ABL1: variants seen among roughly 807,000 people sequenced by gnomAD.
ABL1 encodes the protein ABL proto-oncogene 1, non-receptor tyrosine kinase.
A neutral mutation model predicts 94.7 loss-of-function variants in ABL1; 11 were observed. The ratio of observed to expected loss-of-function variants is 0.12; its 90% confidence interval spans 0.07 to 0.19. The LOEUF is 0.19. Among genes scored for constraint, ABL1 ranks in the 10% least tolerant of loss-of-function variants. The probability of loss-of-function intolerance (pLI) is 1.00; values close to 1 mark genes in which losing one functional copy is unlikely to be tolerated. For missense variants in ABL1, 1,082 were observed against 1,489.4 expected, an observed-to-expected ratio of 0.73 and a Z score of 4.50; for synonymous variants, 656 against 622.4, an observed-to-expected ratio of 1.05 and a Z score of -0.80.
chr9:130,795,768 C>A (rs766440943), intron 1 of ABL1, among the ~76,000 whole-genome samples: 2 of 152,026 alleles, frequency 1.3e-5, no homozygotes, highest in Non-Finnish European at 2.9e-5. Context: ...GGTATGATAC[C>A]ACAATATTTA....
chr9:130,883,891 C>T, intron 10 of ABL1, 78 bp from the exon 11 acceptor site: 1 of 1,504,988 alleles, frequency 6.6e-7, no homozygotes. Context: ...TGGCACTCTG[C>T]CTCCCGGGTT....
Position 130,885,019 on chromosome 9 carries a change from C to T in ABL1, c.2729C>T (p.Ala910Val), listed in dbSNP as rs766233109. Residue 910 changes from alanine to valine, a missense_variant, in exon 11 of 11, where the codon GCT (alanine) becomes GTT (valine). Ala to Val is a moderately conservative substitution (Grantham distance 64). Coordinates refer to ENST00000318560, the MANE Select transcript of ABL1 (RefSeq NM_005157.6). ...PPPPAASAGKAGGKPSQSPSQ... is the reference protein window; with the variant it reads ...PPPPAASAGKVGGKPSQSPSQ... ...CCACCAGCAGCCTCTGCAGGGAAGGCTGGAGGAAAGCCCTCGCAGAGCCCG... is the reference window on the plus strand; with the variant it reads ...CCACCAGCAGCCTCTGCAGGGAAGGTTGGAGGAAAGCCCTCGCAGAGCCCG... The T allele has an allele frequency of 6.2e-7, 1 of 1,611,614 alleles. No homozygotes were observed. The highest frequency in any genetic ancestry group is 1.7e-5 in the Admixed American group (1 of 59,858).
intron 1 of ABL1, among the ~76,000 whole-genome samples, chr9:130,729,902 T>C (rs1472626912): frequency 1.5e-5 from 1 of 66,776 alleles, no homozygotes. Flanking sequence ...CACCAGGCTA[T>C]TTTTTTTTTT....
At chr9:130,722,435 A>G (rs1051267703) in intron 1 of ABL1, among the ~76,000 whole-genome samples, 3 of 152,152 alleles carry the variant, frequency 2.0e-5, no homozygotes, top group African/African-American at 7.2e-5. Flanking sequence ...ATATCCATCT[A>G]CTTAATGCTA....
At chr9:130,753,551 G>A (rs111632105) in intron 1 of ABL1, among the ~76,000 whole-genome samples, 9 of 146,478 alleles carry the variant, frequency 6.1e-5, no homozygotes, top group African/African-American at 2.0e-4. Flanking sequence ...TCAGCCTCCC[G>A]AGTAGCTGGG....
chr9:130,817,241 A>C (rs1168531274), intron 1 of ABL1, among the ~76,000 whole-genome samples: 3 of 152,262 alleles, frequency 2.0e-5, no homozygotes, highest in Non-Finnish European at 4.4e-5. Context: ...AGAAAAATTT[A>C]TTCAAAGACC....
At chr9:130,755,679 C>G (rs1016837748) in intron 1 of ABL1, among the ~76,000 whole-genome samples, 1 of 152,128 alleles carries the variant, frequency 6.6e-6, no homozygotes, top group East Asian at 1.9e-4. Context: ...TGACCAATTC[C>G]CCTCTGTTTT....
At position 130,877,727 on chromosome 9, in the gene ABL1, G is replaced by A. The variant is rs180901674; in HGVS notation, c.1271-688G>A. On this transcript the variant is annotated intron_variant, in intron 7 of 10. Coordinates refer to ENST00000318560, the MANE Select transcript of ABL1 (RefSeq NM_005157.6). ...GCAATATCAGCTCACTACAACCTCC[G>A]TCTCCTGGGTTCAAGCAATTCTCCT... Among the ~76,000 whole-genome samples, 16 of 145,612 alleles carry A rather than the reference G, an allele frequency of 1.1e-4. 1 individual carries two copies. The highest frequency in any genetic ancestry group is 6.8e-4 in the Admixed American group (10 of 14,700).
chr9:130,885,365 C>T lies in ABL1; in HGVS notation c.3075C>T (p.Gly1025=), dbSNP rs751957337. Residue 1025 remains glycine (G), a synonymous_variant, in exon 11 of 11, where the codon GGC becomes GGT. Transcript: ENST00000318560. ...TRQPPERIAS[G]AITKGVVLDS... ...AGCCTCCAGAGCGGATCGCCAGCGG[C>T]GCCATCACCAAGGGCGTGGTCCTGG... 44 of 1,613,552 alleles carry T rather than the reference C, an allele frequency of 2.7e-5. No homozygotes were observed. In the East Asian group the frequency reaches 6.0e-4, roughly 22 times the overall value.
At chr9:130,713,173 T>C (rs532118247) in exon 1 of ABL1, among the ~76,000 whole-genome samples, 5 of 151,742 alleles carry the variant, frequency 3.3e-5, no homozygotes, top group African/African-American at 9.7e-5. Context: ...GGCGGCTGGG[T>C]CCCTCGGCGG....
intron 1 of ABL1, among the ~76,000 whole-genome samples, chr9:130,777,244 G>A (rs1829676724): frequency 6.6e-6 from 1 of 152,212 alleles, no homozygotes; most frequent in African/African-American, 2.4e-5. Flanking sequence ...GGTAATCCTG[G>A]TTGTCCATTC....
At chr9:130,727,856 C>T (rs1319488959) in intron 1 of ABL1, among the ~76,000 whole-genome samples, 2 of 150,902 alleles carry the variant, frequency 1.3e-5, no homozygotes, top group African/African-American at 2.5e-5. Context: ...AAAGTAATCC[C>T]ACAGTACACA....
At chr9:130,791,286 T>A (rs1462988682) in intron 1 of ABL1, among the ~76,000 whole-genome samples, 1 of 152,162 alleles carries the variant, frequency 6.6e-6, no homozygotes, top group Non-Finnish European at 1.5e-5. Context: ...TGATCTAGAA[T>A]TGTGTAGCCA....
chr9:130,741,469 A>G (rs1019953837), intron 1 of ABL1, among the ~76,000 whole-genome samples: 2 of 144,580 alleles, frequency 1.4e-5, no homozygotes, highest in African/African-American at 2.6e-5. Flanking sequence ...CAGAGTAACA[A>G]TTATAGCACT....
chr9:130,766,607 C>A (rs1445355532), intron 1 of ABL1, among the ~76,000 whole-genome samples: 1 of 152,134 alleles, frequency 6.6e-6, no homozygotes, highest in East Asian at 1.9e-4. Context: ...AAGGCCACAG[C>A]CTGTGACCCC....
In ABL1 at chr9:130,783,514, A is replaced by T. The variant is rs1829784076; in HGVS notation, c.136+69059A>T. Among the ~76,000 whole-genome samples, 4 of 152,236 alleles carry T rather than the reference A, an allele frequency of 2.6e-5. No individual in the cohort carries two copies. In the South Asian group the frequency reaches 8.3e-4, roughly 32 times the overall value. On this transcript the variant is annotated intron_variant, in intron 1 of 10. Coordinates refer to the ABL1 transcript ENST00000372348. ...GAATGTAAGTGGCTGTGAATTAGAA[A>T]TATTTGTTGGAATTAGAAAGTGTCT...
chr9:130,802,608 T>A (rs2132833781), intron 1 of ABL1, among the ~76,000 whole-genome samples: 1 of 152,334 alleles, frequency 6.6e-6, no homozygotes, highest in East Asian at 1.9e-4. Context: ...TAGCTGAGAT[T>A]TTCATTCATT....
intron 1 of ABL1, among the ~76,000 whole-genome samples, chr9:130,736,872 A>G (rs1416589765): frequency 6.6e-6 from 1 of 152,190 alleles, no homozygotes; most frequent in Non-Finnish European, 1.5e-5. Flanking sequence ...TGTGTGGCAG[A>G]TATTTAAATA....
intron 1 of ABL1, among the ~76,000 whole-genome samples, chr9:130,768,012 G>A (rs1004673283): frequency 3.7e-4 from 56 of 152,268 alleles, no homozygotes; most frequent in African/African-American, 1.3e-3. Context: ...GATTTCCATC[G>A]TAATTTTTTT....
Sources: gnomAD v4.1 joint callset for allele counts (sites outside exome capture counted in the v4.1 genomes callset) on GRCh38, gnomAD v4.1.1 for gene constraint, MANE v1.5 for transcripts, NCBI Gene and HGNC (gene_info 2026-07-23, HGNC 2026-07-21) for gene names.